The following SYT10 variants were observed in gnomAD, a reference collection of about 807,000 sequenced individuals.
SYT10 encodes synaptotagmin 10.
Under a neutral mutation model 51.1 loss-of-function variants are expected in SYT10, and 31 were observed. The observed-to-expected ratio is 0.61, with a 90% confidence interval of 0.46 to 0.82. The LOEUF (loss-of-function observed/expected upper bound fraction) is 0.82. Ranked by LOEUF, SYT10 falls within the 40% of genes least tolerant of loss-of-function variation. The pLI, the probability that SYT10 is intolerant of heterozygous loss-of-function variation, is 0.00. For missense variants in SYT10, 603 were observed against 634.0 expected (o/e 0.95, Z 0.53); for synonymous variants, 233 against 225.9 (o/e 1.03, Z -0.28).
intron 3 of SYT10, among the ~76,000 whole-genome samples, chr12:33,398,421 G>A (rs1866275840): frequency 6.6e-6 from 1 of 152,050 alleles, no homozygotes; most frequent in African/African-American, 2.4e-5. Flanking sequence ...GCTGAGGCAG[G>A]AGAATGGCAT....
chr12:33,391,554 T>C (rs1239485638), intron 3 of SYT10, among the ~76,000 whole-genome samples: 1 of 152,150 alleles, frequency 6.6e-6, no homozygotes, highest in African/African-American at 2.4e-5. Context: ...GGCCTTATTC[T>C]AAATGGCCTC....
chr12:33,430,553 C>T (rs1485240601), intron 1 of SYT10, among the ~76,000 whole-genome samples: 1 of 152,182 alleles, frequency 6.6e-6, no homozygotes, highest in Non-Finnish European at 1.5e-5. Flanking sequence ...CATGCAATTA[C>T]TACTGCTTGA....
intron 2 of SYT10, among the ~76,000 whole-genome samples, chr12:33,424,780 G>A (rs1322829810): frequency 6.6e-6 from 1 of 151,458 alleles, no homozygotes; most frequent in Non-Finnish European, 1.5e-5. Flanking sequence ...AAATTAACAT[G>A]GATATTTATT....
chr12:33,409,022 C>T (rs1036753760), intron 2 of SYT10, among the ~76,000 whole-genome samples: 15 of 151,830 alleles, frequency 9.9e-5, no homozygotes, highest in African/African-American at 3.4e-4. Context: ...CTCTAGTCAC[C>T]TTCAGCTGGC....
intron 2 of SYT10, among the ~76,000 whole-genome samples, chr12:33,409,595 G>A (rs889574533): frequency 1.3e-5 from 2 of 151,336 alleles, no homozygotes; most frequent in African/African-American, 4.9e-5. Context: ...CTCACTGCGA[G>A]CTCCGCCTCC....
intron 2 of SYT10, among the ~76,000 whole-genome samples, chr12:33,420,380 A>G (rs947177776): frequency 2.6e-5 from 4 of 152,164 alleles, no homozygotes; most frequent in African/African-American, 9.7e-5. Context: ...CTTCCCAAGC[A>G]TTTATTCACA....
Position 33,439,470 on chromosome 12 carries a change from T to C in SYT10, c.53A>G (p.His18Arg). The change falls in exon 1 of 7, where the codon CAC becomes CGC. Residue 18 changes from histidine to arginine, a missense_variant. Transcript: ENST00000228567. ...GGCGAAGCACAGCTCGGTGACGATGTGCAGAGCCTTCTGGCACAGACTGTT... is the reference window on the plus strand; with the variant it reads ...GGCGAAGCACAGCTCGGTGACGATGCGCAGAGCCTTCTGGCACAGACTGTT... ...GVNSLCQKAL[H>R]IVTELCFAGQ... The C allele has an allele frequency of 6.2e-7, 1 of 1,614,210 alleles. No individual in the cohort carries two copies. Among genetic ancestry groups the C allele is most frequent in the Non-Finnish European group, 8.5e-7 (1 of 1,180,016 alleles).
chr12:33,402,822 A>C (rs1866317810), intron 3 of SYT10, among the ~76,000 whole-genome samples: 1 of 152,088 alleles, frequency 6.6e-6, no homozygotes, highest in African/African-American at 2.4e-5. Flanking sequence ...GACACTTAAG[A>C]CCCTTAAAAA....
At chr12:33,411,296 T>C (rs1381645798) in intron 2 of SYT10, among the ~76,000 whole-genome samples, 3 of 152,220 alleles carry the variant, frequency 2.0e-5, no homozygotes, top group Admixed American at 6.5e-5. Context: ...AACATAATTA[T>C]GTAATCCACT....
chr12:33,421,481 G>A (rs1866504378), intron 2 of SYT10, among the ~76,000 whole-genome samples: 1 of 152,006 alleles, frequency 6.6e-6, no homozygotes, highest in Non-Finnish European at 1.5e-5. Context: ...ACTCATCTGT[G>A]AGAATACTAT....
chr12:33,416,569 CTAAG>C (rs1161729931), intron 2 of SYT10, among the ~76,000 whole-genome samples: 5 of 152,282 alleles, frequency 3.3e-5, no homozygotes, highest in Admixed American at 3.3e-4. Flanking sequence ...TTCCGACAAT[CTAAG>C]TGTTTCTTCC....
chr12:33,376,821 T>G lies in SYT10; in HGVS notation c.*9A>C. Reference sequence around the variant, plus strand: ...AGATGCTTAATATCATGGTCTCATTTTGGAGGCATTATGGTGTGGAAGGTG... The same window carrying G: ...AGATGCTTAATATCATGGTCTCATTGTGGAGGCATTATGGTGTGGAAGGTG... On this transcript the variant is annotated 3_prime_UTR_variant, in exon 7 of 7. Coordinates refer to ENST00000228567, the MANE Select transcript of SYT10 (RefSeq NM_198992.4). The G allele has an allele frequency of 6.2e-7, 1 of 1,614,028 alleles. No individual in the cohort carries two copies.
intron 2 of SYT10, among the ~76,000 whole-genome samples, chr12:33,410,886 G>C (rs1425832552): frequency 2.0e-5 from 3 of 152,152 alleles, no homozygotes; most frequent in Admixed American, 6.5e-5. Flanking sequence ...TAAAAAGTTA[G>C]GATGCCTTTG....
At chr12:33,412,352 A>T (rs926532325) in intron 2 of SYT10, among the ~76,000 whole-genome samples, 1 of 151,726 alleles carries the variant, frequency 6.6e-6, no homozygotes, top group African/African-American at 2.4e-5. Context: ...ACAAGCTTTA[A>T]TTATTACAAT....
intron 1 of SYT10, among the ~76,000 whole-genome samples, chr12:33,438,214 G>A (rs112381086): frequency 6.6e-6 from 1 of 152,152 alleles, no homozygotes; most frequent in Non-Finnish European, 1.5e-5. Context: ...CCTGAGCTTG[G>A]CTGTCCAGCT....
At chr12:33,404,671 C>T (rs1414379383) in intron 3 of SYT10, among the ~76,000 whole-genome samples, 10 of 152,146 alleles carry the variant, frequency 6.6e-5, no homozygotes, top group South Asian at 2.1e-4. Context: ...GAATTACAGG[C>T]ATGAGCCACC....
Position 33,381,746 on chromosome 12 carries a change from T to C in SYT10, c.1370+603A>G, listed in dbSNP as rs190451259. Among the ~76,000 whole-genome samples, 120 of 151,528 alleles carry C rather than the reference T, an allele frequency of 7.9e-4. No individual in the cohort carries two copies. In the East Asian group the frequency reaches 1.0e-2, roughly 13 times the overall value. ...GATCTTCAGAGCTGCATAGGGGAGG[T>C]TGCAATGTTTTCATGAAAGCAGGAG... On this transcript the variant is annotated intron_variant, in intron 5 of 6. Transcript: ENST00000228567.
intron 3 of SYT10, among the ~76,000 whole-genome samples, chr12:33,397,187 G>C (rs1240393198): frequency 6.6e-6 from 1 of 152,120 alleles, no homozygotes; most frequent in Non-Finnish European, 1.5e-5. Context: ...TTTCTTTAGA[G>C]TATCAGTGAG....
At position 33,433,821 on chromosome 12, in the gene SYT10, T is replaced by C. The variant is rs141010756; in HGVS notation, c.151+5551A>G. Among the ~76,000 whole-genome samples the C allele has an allele frequency of 1.3e-4, 20 of 152,302 alleles. 1 individual carries two copies. Among genetic ancestry groups the C allele is most frequent in the African/African-American group, 4.3e-4 (18 of 41,560 alleles). On this transcript the variant is annotated intron_variant, in intron 1 of 6. Transcript: ENST00000228567. ...AACAGCTTATCTTCACAGACATTTT[T>C]TCCAATGCCCTTCAGCGCCAAGGAC...
Sources: allele counts gnomAD v4.1 joint callset (sites outside exome capture counted in the v4.1 genomes callset), GRCh38; gene constraint gnomAD v4.1.1; transcripts MANE v1.5; gene names NCBI Gene and HGNC (gene_info 2026-07-23, HGNC 2026-07-21).